Variants in PPP1CC observed in about 807,000 individuals in gnomAD.
PPP1CC encodes the protein protein phosphatase 1 catalytic subunit gamma, also known as serine/threonine-protein phosphatase PP1-gamma catalytic subunit.
PPP1CC carries 16 observed loss-of-function variants against 38.4 expected under a neutral mutation model. The ratio of observed to expected loss-of-function variants is 0.42; its 90% CI spans 0.28 to 0.63. The LOEUF (loss-of-function observed/expected upper bound fraction) is 0.63. Among genes scored for constraint, PPP1CC ranks in the 30% least tolerant of loss-of-function variants. PPP1CC has a pLI of 0.25. For synonymous variants in PPP1CC, 158 were observed against 136.0 expected (o/e 1.16, Z -1.13); for missense variants, 170 against 391.3 (o/e 0.43, Z 4.77).
At chr12:110,742,452 G>A (rs913757766) in intron 1 of PPP1CC, among the ~76,000 whole-genome samples, 3 of 152,184 alleles carry the variant, frequency 2.0e-5, no homozygotes, top group African/African-American at 4.8e-5. Context: ...AGCCTGGAGG[G>A]TCCGCAGCTG....
Position 110,720,541 on chromosome 12 carries a change from C to G in PPP1CC, c.*535G>C. ...ATGCTGGCAAGGTTGAAAGTTACTC[C>G]TAATGTTGATAGCTATAAAAACTAG... is the stretch of plus-strand genomic sequence containing the variant. On this transcript the variant is annotated 3_prime_UTR_variant, in exon 7 of 7. Transcript: ENST00000335007. The G allele has an allele frequency of 4.1e-6, 1 of 246,622 alleles. No homozygotes were observed. Among genetic ancestry groups the G allele is most frequent in the Non-Finnish European group, 7.9e-6 (1 of 127,346 alleles). 15.3% of individuals were successfully genotyped at this position (246,622 alleles called of 1,614,324 possible). A position where few individuals can be genotyped will look rare whatever the true frequency, so the allele number is the denominator to read the frequency against.
chr12:110,713,185 A>ATTTTTTTTCCC, the PPP1CC span, among the ~76,000 whole-genome samples: 49 of 152,028 alleles, frequency 3.2e-4, no homozygotes, highest in African/African-American at 1.1e-3. Flanking sequence ...CAGGCTGGAA[A>ATTTTTTTTCCC]GCAGTGGCAT....
At chr12:110,710,341 G>C in the PPP1CC span, among the ~76,000 whole-genome samples, 1 of 150,378 alleles carries the variant, frequency 6.6e-6, no homozygotes, top group Non-Finnish European at 1.5e-5. Flanking sequence ...TCAGGAGTTT[G>C]AGCCCAGCCT....
downstream of PPP1CC, among the ~76,000 whole-genome samples, chr12:110,717,494 C>A (rs190048457): frequency 6.6e-6 from 1 of 152,108 alleles, no homozygotes; most frequent in Non-Finnish European, 1.5e-5. Context: ...CCCAGGTTCA[C>A]GCCATTCTCC....
At chr12:110,732,316 G>A (rs1287439771) in intron 1 of PPP1CC, 1 of 217,950 alleles carries the variant, frequency 4.6e-6, no homozygotes. Context: ...AGAATCGCCT[G>A]CACCCGGGAG....
At chr12:110,718,037 A>C (rs1371656850), downstream of PPP1CC, among the ~76,000 whole-genome samples, 1 of 152,168 alleles carries the variant, frequency 6.6e-6, no homozygotes, top group East Asian at 1.9e-4. Context: ...AATTTGATTG[A>C]TATTCCTTTC....
intron 3 of PPP1CC, among the ~76,000 whole-genome samples, chr12:110,728,825 C>A (rs2069838594): frequency 6.6e-6 from 1 of 152,180 alleles, no homozygotes; most frequent in Non-Finnish European, 1.5e-5. Context: ...GGTCACAGAC[C>A]AAGCAAACAT....
chr12:110,738,542 T>C (rs2069974287), intron 1 of PPP1CC, among the ~76,000 whole-genome samples: 1 of 152,228 alleles, frequency 6.6e-6, no homozygotes, highest in Admixed American at 6.5e-5. Context: ...ACTGTGATTC[T>C]GCACAACAGG....
downstream of PPP1CC, among the ~76,000 whole-genome samples, chr12:110,719,308 G>A (rs2069713330): frequency 6.6e-6 from 1 of 152,142 alleles, no homozygotes; most frequent in Admixed American, 6.5e-5. Context: ...TGTTAGCAGA[G>A]GGGAGTCCAT....
rs867510185 is a variant in PPP1CC at position 110,731,655 on chromosome 12, C to G, written c.187+115G>C. 1.0e-5 allele frequency: 12 copies of G among 1,203,306 alleles called. No homozygotes were observed. The Middle Eastern group carries it at 2.6e-3, about 257-fold the overall frequency. 74.5% of individuals were successfully genotyped at this position (1,203,306 alleles called of 1,614,324 possible). On this transcript the variant is annotated intron_variant, in intron 2 of 6. Coordinates refer to ENST00000335007, the MANE Select transcript of PPP1CC (RefSeq NM_002710.4). ...TATTTAACTTACTTTTAAGTAGTTC[C>G]AAGCTATTCGCAAACAGGATAATCA...
At position 110,742,736 on chromosome 12, in the gene PPP1CC, C is replaced by G. The variant is rs755744503; in HGVS notation, c.-29G>C. ...CTTCCCACCGCCGACCCTCCCGCAGCGGCGCCGCCGCCGGCTCGCGCCCGG... is the reference window on the plus strand; with the variant it reads ...CTTCCCACCGCCGACCCTCCCGCAGGGGCGCCGCCGCCGGCTCGCGCCCGG... On this transcript the variant is annotated 5_prime_UTR_variant, in exon 1 of 7. Transcript: ENST00000335007. 8 of 1,387,298 alleles carry G rather than the reference C, an allele frequency of 5.8e-6. No homozygotes were observed. Among genetic ancestry groups the G allele is most frequent in the Non-Finnish European group, 7.6e-6 (8 of 1,058,546 alleles). The allele number at this position is 1,387,298 out of a possible 1,614,324, so 85.9% of individuals were successfully genotyped here. A position where few individuals can be genotyped will look rare whatever the true frequency, so the allele number is the denominator to read the frequency against.
downstream of PPP1CC, among the ~76,000 whole-genome samples, chr12:110,715,381 C>T (rs993650352): frequency 4.6e-5 from 7 of 151,480 alleles, no homozygotes; most frequent in Non-Finnish European, 7.4e-5. Context: ...AGTGCAGTGG[C>T]GCGATCTCAG....
chr12:110,711,706 C>T, the PPP1CC span, among the ~76,000 whole-genome samples: 1 of 152,072 alleles, frequency 6.6e-6, no homozygotes. Context: ...AGGAGGATCA[C>T]CTGAGGTTGG....
Position 110,722,006 on chromosome 12 carries a change from TG to T in PPP1CC, c.882+128del. The stretch of plus-strand genomic sequence containing the variant: ...CACATTATTCAACTATAATACACAC[TG>T]GTTAAGGGAAAATAAAAACTTAGCC... On this transcript the variant is annotated intron_variant, in intron 6 of 6. Transcript: ENST00000335007. This position sits in a 1 kb window ranked among gnomAD's most constrained non-coding sequence, Gnocchi z 5.4. The T allele has an allele frequency of 9.2e-7, 1 of 1,091,832 alleles. No homozygotes were observed. Among genetic ancestry groups the T allele is most frequent in the Non-Finnish European group, 1.3e-6 (1 of 775,298 alleles). The allele number at this position is 1,091,832 out of a possible 1,614,324, so 67.6% of individuals were successfully genotyped here. A position where few individuals can be genotyped will look rare whatever the true frequency, so the allele number is the denominator to read the frequency against.
Position 110,730,512 on chromosome 12 carries a change from T to G in PPP1CC, c.418+17A>C. 1 of 1,522,820 alleles carries G rather than the reference T, an allele frequency of 6.6e-7. No homozygotes were observed. The allele number at this position is 1,522,820 out of a possible 1,614,324, so 94.3% of individuals were successfully genotyped here. A position where few individuals can be genotyped will look rare whatever the true frequency, so the allele number is the denominator to read the frequency against. On this transcript the variant is annotated intron_variant, in intron 3 of 6. Transcript: ENST00000335007. The stretch of plus-strand genomic sequence containing the variant: ...TTAATTTCAATAACTCTTCCTTAGA[T>G]ATAGAAAAGTACTTACATTCATCAT...
chr12:110,709,123 A>C, the PPP1CC span, among the ~76,000 whole-genome samples: 4 of 152,136 alleles, frequency 2.6e-5, no homozygotes, highest in South Asian at 2.1e-4. Flanking sequence ...GAATGGCAAA[A>C]CCCCCCACAA....
chr12:110,737,686 T>C (rs981239625), intron 1 of PPP1CC, among the ~76,000 whole-genome samples: 4 of 151,770 alleles, frequency 2.6e-5, no homozygotes, highest in Non-Finnish European at 4.4e-5. Flanking sequence ...GGTTCACGCT[T>C]GTAATCCCAG....
chr12:110,713,360 C>T, the PPP1CC span, among the ~76,000 whole-genome samples: 226 of 152,130 alleles, frequency 1.5e-3, 2 homozygotes, highest in African/African-American at 5.1e-3. Context: ...TTTGAACTCT[C>T]GAGCTCAGGC....
intron 3 of PPP1CC, chr12:110,726,815 A>C (rs1463199400): frequency 1.3e-5 from 2 of 152,096 alleles, no homozygotes; most frequent in Non-Finnish European, 2.9e-5. Context: ...AAAAACAAAA[A>C]ACCTGCAACA....
Sources: allele counts gnomAD v4.1 joint callset (sites outside exome capture counted in the v4.1 genomes callset), GRCh38; gene constraint gnomAD v4.1.1; non-coding constraint Gnocchi (gnomAD v3.1); transcripts MANE v1.5; gene names NCBI Gene and HGNC (gene_info 2026-07-23, HGNC 2026-07-21).